COX7B2: variants seen among roughly 807,000 people sequenced by gnomAD.
The protein encoded by COX7B2 is cytochrome c oxidase subunit 7B2, also known as cytochrome c oxidase subunit 7B2, mitochondrial.
For missense variants in COX7B2, 109 were observed against 95.9 expected (o/e 1.14, Z -0.57); for synonymous variants, 37 against 32.1 (o/e 1.15, Z -0.51).
intron 1 of COX7B2, among the ~76,000 whole-genome samples, chr4:46,866,764 G>C (rs777434473): frequency 1.3e-5 from 2 of 151,962 alleles, no homozygotes; most frequent in African/African-American, 4.8e-5. Flanking sequence ...CTTTGCCAAA[G>C]GATTACAACA....
intron 2 of COX7B2, among the ~76,000 whole-genome samples, chr4:46,838,121 A>C (rs1056044407): frequency 6.6e-6 from 1 of 152,034 alleles, no homozygotes. Context: ...TTGTGGGTTA[A>C]TTTGTACATT....
At chr4:46,849,195 A>G (rs531649280) in intron 1 of COX7B2, among the ~76,000 whole-genome samples, 7 of 151,888 alleles carry the variant, frequency 4.6e-5, no homozygotes, top group South Asian at 2.1e-4. Flanking sequence ...TAGTAATACA[A>G]CTCTGCCCCT....
At chr4:46,877,282 T>C (rs910880860) in intron 1 of COX7B2, among the ~76,000 whole-genome samples, 3 of 152,212 alleles carry the variant, frequency 2.0e-5, no homozygotes, top group Non-Finnish European at 4.4e-5. Flanking sequence ...TGAGGTTTCA[T>C]AGCCAAATTC....
intron 2 of COX7B2, among the ~76,000 whole-genome samples, chr4:46,803,597 G>C (rs561630884): frequency 2.0e-5 from 3 of 152,112 alleles, no homozygotes; most frequent in African/African-American, 7.2e-5. Flanking sequence ...CCCTCCAAAA[G>C]TGTTTAGCAT....
intron 1 of COX7B2, among the ~76,000 whole-genome samples, chr4:46,851,080 A>G (rs1459044199): frequency 6.6e-6 from 1 of 152,100 alleles, no homozygotes; most frequent in Non-Finnish European, 1.5e-5. Context: ...CTTAGAGAGC[A>G]GTAGAGCTGC....
Position 46,762,118 on chromosome 4 carries a change from A to T in COX7B2, c.-49-26877T>A, listed in dbSNP as rs1469259743. Among the ~76,000 whole-genome samples, 3 of 149,546 alleles carry T rather than the reference A, an allele frequency of 2.0e-5. No individual in the cohort carries two copies. The East Asian group carries it at 5.9e-4, about 29-fold the overall frequency. On this transcript the variant is annotated intron_variant, in intron 2 of 2. Transcript: ENST00000355591. ...GATAATAACACCTATTGTAGTCTAA[A>T]CAGAAATGTTTCATATGTATATGAA...
chr4:46,737,082 G>A (rs966582098), intron 2 of COX7B2, among the ~76,000 whole-genome samples: 10 of 152,144 alleles, frequency 6.6e-5, no homozygotes, highest in African/African-American at 2.4e-4. Flanking sequence ...CTGAATGAGA[G>A]TTTCTTTTGT....
chr4:46,800,648 T>C (rs558746853), intron 2 of COX7B2, among the ~76,000 whole-genome samples: 126 of 151,976 alleles, frequency 8.3e-4, no homozygotes, highest in African/African-American at 2.7e-3. Context: ...AACTATAAAA[T>C]CCCTTGAAGA....
At chr4:46,894,434 T>G (rs968911100) in intron 1 of COX7B2, among the ~76,000 whole-genome samples, 1 of 152,054 alleles carries the variant, frequency 6.6e-6, no homozygotes, top group Non-Finnish European at 1.5e-5. Flanking sequence ...ACAGGTTACC[T>G]ATATGCAGAA....
intron 2 of COX7B2, among the ~76,000 whole-genome samples, chr4:46,758,218 C>T (rs1715913333): frequency 6.6e-6 from 1 of 151,928 alleles, no homozygotes; most frequent in African/African-American, 2.4e-5. Context: ...TTCTGTGAAA[C>T]TTTGTGTATA....
intron 2 of COX7B2, among the ~76,000 whole-genome samples, chr4:46,832,329 C>T (rs926152872): frequency 2.0e-5 from 3 of 152,094 alleles, no homozygotes; most frequent in African/African-American, 7.2e-5. Context: ...ACTCCAGACA[C>T]GCCGCCTTTA....
intron 1 of COX7B2, chr4:46,903,930 T>A (rs1209644790): frequency 6.6e-6 from 1 of 152,204 alleles, no homozygotes; most frequent in Non-Finnish European, 1.5e-5. Flanking sequence ...TGCATGACTG[T>A]AGTTCCTCCA....
At chr4:46,818,905 C>T (rs541705396) in intron 2 of COX7B2, among the ~76,000 whole-genome samples, 2 of 152,242 alleles carry the variant, frequency 1.3e-5, no homozygotes, top group South Asian at 2.1e-4. Flanking sequence ...TGGCTGTTTT[C>T]CCCCCAACAC....
At chr4:46,888,899 A>C (rs1719253335) in intron 1 of COX7B2, among the ~76,000 whole-genome samples, 1 of 152,192 alleles carries the variant, frequency 6.6e-6, no homozygotes, top group Non-Finnish European at 1.5e-5. Context: ...TCTTTAAGTG[A>C]GCAGTTACTT....
chr4:46,735,674 T>C (rs1714321318), intron 2 of COX7B2, among the ~76,000 whole-genome samples: 1 of 152,120 alleles, frequency 6.6e-6, no homozygotes, highest in Admixed American at 6.6e-5. Flanking sequence ...ACTGTAATAC[T>C]TACCTTCCCC....
chr4:46,762,239 T>C (rs1265764231), intron 2 of COX7B2, among the ~76,000 whole-genome samples: 1 of 142,422 alleles, frequency 7.0e-6, no homozygotes, highest in African/African-American at 2.6e-5. Context: ...ATATATTAAA[T>C]ATATTATATA....
rs189473227 is a variant in COX7B2, at chr4:46,830,166, A to G, written c.-50+14794T>C. ...TGGTGAAACCCCGTCTGTACTAAAA[A>G]TACAAAAATTAGCCGGGGGTGGTGG... On this transcript the variant is annotated intron_variant, in intron 2 of 2. Coordinates refer to ENST00000355591, the MANE Select transcript of COX7B2 (RefSeq NM_130902.3). Among the ~76,000 whole-genome samples the G allele has an allele frequency of 9.9e-5, 15 of 152,190 alleles. No homozygotes were observed. The East Asian group carries it at 2.7e-3, about 28-fold the overall frequency.
rs772029699 is a variant in COX7B2, at chr4:46,864,731, A to G, written c.-104-19717T>C. On this transcript the variant is annotated intron_variant, in intron 1 of 2. Coordinates refer to ENST00000355591, the MANE Select transcript of COX7B2 (RefSeq NM_130902.3). ...GCGATCTAGGCTCACTGCAAGCTCC[A>G]CCTCCCGGGTTCACGCCATTCTCCT... Among the ~76,000 whole-genome samples, 154 of 151,262 alleles carry G rather than the reference A, an allele frequency of 1.0e-3. 1 individual carries two copies. In the Middle Eastern group the frequency reaches 0.014, roughly 13 times the overall value.
intron 2 of COX7B2, among the ~76,000 whole-genome samples, chr4:46,743,784 T>A (rs1183246168): frequency 1.3e-5 from 2 of 152,190 alleles, no homozygotes; most frequent in Non-Finnish European, 2.9e-5. Flanking sequence ...TGAAGCATTA[T>A]CTCCAGATTA....
Sources: allele counts gnomAD v4.1 joint callset (sites outside exome capture counted in the v4.1 genomes callset), GRCh38; gene constraint gnomAD v4.1.1; transcripts MANE v1.5; gene names NCBI Gene and HGNC (gene_info 2026-07-23, HGNC 2026-07-21).